Variants in ZNF319 observed in about 807,000 individuals in gnomAD.
ZNF319 encodes zinc finger protein 319.
Under a neutral mutation model 46.0 loss-of-function variants are expected in ZNF319, and 15 were observed. That is an observed-to-expected ratio of 0.33 (90% CI 0.22 to 0.50). The LOEUF (loss-of-function observed/expected upper bound fraction) is 0.50. ZNF319 is among the 20% of genes least tolerant of loss of function. The probability of loss-of-function intolerance (pLI) is 0.98; values close to 1 mark genes in which losing one functional copy is unlikely to be tolerated. For synonymous variants in ZNF319, 368 were observed against 364.0 expected, an observed-to-expected ratio of 1.01 and a Z score of -0.13; for missense variants, 635 against 807.0, an observed-to-expected ratio of 0.79 and a Z score of 2.58.
Position 57,996,573 on chromosome 16 carries a change from T to C in ZNF319, c.1693A>G (p.Ser565Gly). The C allele has an allele frequency of 1.3e-6, 2 of 1,589,466 alleles. No homozygotes were observed. Among genetic ancestry groups the C allele is most frequent in the African/African-American group, 2.7e-5 (2 of 74,746 alleles). ...CCCTCCGCTGCCGCGGCGGCGGCAC[T>C]GTGCTGCGCGCTGTGCTCCTGCAAC... ...ALLQEHSAQH[S>G]AAAAAAEGAY... The change falls in exon 2 of 2, where the codon AGT becomes GGT. Residue 565 changes from serine to glycine, a missense_variant. Physicochemically the swap from Ser to Gly is moderately conservative, Grantham distance 56. Around this residue, in one of 3 missense-constraint regions of ZNF319, gnomAD observed 270 missense variants for 281.4 expected, o/e 0.96. Coordinates refer to ENST00000299237, the MANE Select transcript of ZNF319 (RefSeq NM_020807.3).
At position 57,998,466 on chromosome 16, in the gene ZNF319, C is replaced by A; in HGVS notation, c.-201G>T. ...GCTCTGCCTACAGGACATGGGGGCT[C>A]TTCAAGGGAGGGTCCCAGCAGTGCC... On this transcript the variant is annotated 5_prime_UTR_variant, in exon 2 of 2. It introduces an in-frame stop codon into an upstream open reading frame of the 5' UTR. Transcript: ENST00000299237. 1.3e-6 allele frequency: 1 copy of A among 744,952 alleles called. No homozygotes were observed. The highest frequency in any genetic ancestry group is 2.0e-6 in the Non-Finnish European group (1 of 489,274). The allele number at this position is 744,952 out of a possible 1,614,324, so 46.1% of individuals were successfully genotyped here.
At position 57,996,841 on chromosome 16, in the gene ZNF319, C is replaced by T. The variant is rs1422669843; in HGVS notation, c.1425G>A (p.Gln475=). The T allele has an allele frequency of 6.2e-7, 1 of 1,606,032 alleles. No homozygotes were observed. Among genetic ancestry groups the T allele is most frequent in the African/African-American group, 1.3e-5 (1 of 74,908 alleles). The change falls in exon 2 of 2, where the codon CAG becomes CAA. Residue 475 remains glutamine, a synonymous_variant. Transcript: ENST00000299237. ...RRFFSSSEFV[Q]HRCDPAREKP... is the part of the protein sequence containing the mutation. ...TCTCGCGGGCCGGATCGCAGCGGTG[C>T]TGCACGAACTCGGAAGAGGAGAAGA...
rs746147338 is a variant in ZNF319 at position 57,996,819 on chromosome 16, C to T, written c.1447G>A (p.Glu483Lys). Residue 483 changes from glutamate (E) to lysine (K), a missense_variant, in exon 2 of 2, where the codon GAG (glutamate) becomes AAG (lysine). Glu to Lys is a moderately conservative substitution (Grantham distance 56). Around this residue, in one of 3 missense-constraint regions of ZNF319, gnomAD observed 270 missense variants for 281.4 expected, o/e 0.96. Coordinates refer to ENST00000299237, the MANE Select transcript of ZNF319 (RefSeq NM_020807.3). The part of the protein sequence containing the change: ...FVQHRCDPAR[E>K]KPLKCPDCEK... ...CAGTCTGGGCACTTGAGTGGCTTCT[C>T]GCGGGCCGGATCGCAGCGGTGCTGC... The T allele has an allele frequency of 1.2e-6, 2 of 1,608,430 alleles. No homozygotes were observed. The highest frequency in any genetic ancestry group is 2.2e-5 in the East Asian group (1 of 44,800).
chr16:57,997,876 C>T lies in ZNF319; in HGVS notation c.390G>A (p.Lys130=), dbSNP rs1271432236. The change falls in exon 2 of 2, where the codon AAG becomes AAA. Residue 130 remains lysine (K), a synonymous_variant. Transcript: ENST00000299237. Reference sequence around the variant, plus strand: ...TCTTGCAGACCCCACAGACGAAGGGCTTCTGCTCAGCCTGCACGCACTGGT... The same window carrying T: ...TCTTGCAGACCCCACAGACGAAGGGTTTCTGCTCAGCCTGCACGCACTGGT... ...LEHQCVQAEQ[K]PFVCGVCKMG... is the part of the protein sequence containing the mutation. 2 of 1,613,440 alleles carry T rather than the reference C, an allele frequency of 1.2e-6. No individual in the cohort carries two copies. Among genetic ancestry groups the T allele is most frequent in the East Asian group, 2.2e-5 (1 of 44,888 alleles).
In ZNF319 at chr16:57,997,682, G is replaced by A; in HGVS notation, c.584C>T (p.Ala195Val). Residue 195 changes from alanine (A) to valine (V), a missense_variant, in exon 2 of 2, where the codon GCT (alanine) becomes GTT (valine). By Grantham distance (64) the Ala-to-Val change is moderately conservative. Transcript: ENST00000299237. Reference sequence around the variant, plus strand: ...GCTGTAGGGCTTGTCGGCCTGTTCAGCAGGGGTGACAGTGGAAGGCGCGGG... The same window carrying A: ...GCTGTAGGGCTTGTCGGCCTGTTCAACAGGGGTGACAGTGGAAGGCGCGGG... ...AAPAPSTVTP[A>V]EQADKPYSCP... The A allele has an allele frequency of 6.2e-7, 1 of 1,613,920 alleles. No homozygotes were observed. Among genetic ancestry groups the A allele is most frequent in the Non-Finnish European group, 8.5e-7 (1 of 1,180,032 alleles).
Position 57,997,613 on chromosome 16 carries a change from G to A in ZNF319, c.653C>T (p.Ser218Phe). 6.2e-7 allele frequency: 1 copy of A among 1,614,166 alleles called. No individual in the cohort carries two copies. The highest frequency in any genetic ancestry group is 8.5e-7 in the Non-Finnish European group (1 of 1,180,042). Residue 218 changes from serine (S) to phenylalanine (F), a missense_variant, in exon 2 of 2, where the codon TCT becomes TTT. Physicochemically the swap from Ser to Phe is radical, Grantham distance 155. Transcript: ENST00000299237. Reference sequence around the variant, plus strand: ...ACCGGTGTGGATCCGCTCATGCCGAGAGAGCTCCGACAGGTGCTTGAAGGG... The same window carrying A: ...ACCGGTGTGGATCCGCTCATGCCGAAAGAGCTCCGACAGGTGCTTGAAGGG... ...QKPFKHLSEL[S>F]RHERIHTGEK...
Position 57,997,626 on chromosome 16 carries a change from G to A in ZNF319, c.640C>T (p.Leu214=), listed in dbSNP as rs779335349. Residue 214 remains leucine (L), a synonymous_variant, in exon 2 of 2, where the codon CTG becomes TTG. Coordinates refer to ENST00000299237, the MANE Select transcript of ZNF319 (RefSeq NM_020807.3). Reference sequence around the variant, plus strand: ...CGCTCATGCCGAGAGAGCTCCGACAGGTGCTTGAAGGGCTTTTGGCAGATG... The same window carrying A: ...CGCTCATGCCGAGAGAGCTCCGACAAGTGCTTGAAGGGCTTTTGGCAGATG... ...CPICQKPFKH[L]SELSRHERIH... 1 of 1,613,982 alleles carries A rather than the reference G, an allele frequency of 6.2e-7. No individual in the cohort carries two copies. The highest frequency in any genetic ancestry group is 1.3e-5 in the African/African-American group (1 of 74,920).
rs761054214 is a variant in ZNF319, at chr16:57,996,952, C to T, written c.1314G>A (p.Lys438=). The part of the protein sequence containing the change: ...FKCPVCNKAY[K]RASALQKHQL... Reference sequence around the variant, plus strand: ...GGTGCTTCTGCAGGGCCGACGCGCGCTTGTAGGCCTTGTTGCACACAGGGC... The same window carrying T: ...GGTGCTTCTGCAGGGCCGACGCGCGTTTGTAGGCCTTGTTGCACACAGGGC... The change falls in exon 2 of 2, where the codon AAG becomes AAA. Residue 438 remains lysine (K), a synonymous_variant. Transcript: ENST00000299237. 17 of 1,602,368 alleles carry T rather than the reference C, an allele frequency of 1.1e-5. No homozygotes were observed. In the Admixed American group the frequency reaches 1.7e-4, roughly 16 times the overall value.
chr16:57,997,476 C>G lies in ZNF319; in HGVS notation c.790G>C (p.Glu264Gln), dbSNP rs1336818876. ...TGAGAGCGGTGCTTGAAGGTCTTCT[C>G]GCAGACTGCGCACTTGTAGGGCCGC... ...SERPYKCAVCEKTFKHRSHLV... is the reference protein window; with the variant it reads ...SERPYKCAVCQKTFKHRSHLV... Residue 264 changes from glutamate (E) to glutamine (Q), a missense_variant, in exon 2 of 2, where the codon GAG (glutamate) becomes CAG (glutamine). Physicochemically the swap from Glu to Gln is conservative, Grantham distance 29. This residue lies in a region of ZNF319 where 138 missense variants were observed against 248.0 expected (regional missense o/e 0.56). Transcript: ENST00000299237. 1.9e-6 allele frequency: 3 copies of G among 1,607,150 alleles called. No individual in the cohort carries two copies. The East Asian group carries it at 6.8e-5, about 36-fold the overall frequency.
In ZNF319 at chr16:57,998,220, G is replaced by A; in HGVS notation, c.46C>T (p.Pro16Ser). ...TGGTGCTGAGGCTGCGGTGGCTGTG[G>A]CTGCTGCGGCTGCGTCTGTGGCGGC... The part of the protein sequence containing the change: ...QQPPQTQPQQ[P>S]QPPQPQHHAE... The change falls in exon 2 of 2, where the codon CCA becomes TCA. Residue 16 changes from proline (P) to serine (S), a missense_variant. Pro to Ser is a moderately conservative substitution (Grantham distance 74, BLOSUM62 -1). Coordinates refer to ENST00000299237, the MANE Select transcript of ZNF319 (RefSeq NM_020807.3). 1 of 1,532,068 alleles carries A rather than the reference G, an allele frequency of 6.5e-7. No homozygotes were observed. The highest frequency in any genetic ancestry group is 8.8e-7 in the Non-Finnish European group (1 of 1,139,386). The allele number at this position is 1,532,068 out of a possible 1,614,324, so 94.9% of individuals were successfully genotyped here. A position where few individuals can be genotyped will look rare whatever the true frequency, so the allele number is the denominator to read the frequency against.
chr16:57,996,379 C>A lies in ZNF319; in HGVS notation c.*138G>T. ...CTCTCCCTGCCTCATACCCCTGCGT[C>A]CTCACTCCCGAGGTCTCAGAACACC... On this transcript the variant is annotated 3_prime_UTR_variant, in exon 2 of 2. Transcript: ENST00000299237. The A allele has an allele frequency of 7.0e-7, 1 of 1,424,114 alleles. No homozygotes were observed. The highest frequency in any genetic ancestry group is 9.2e-7 in the Non-Finnish European group (1 of 1,091,720). The allele number at this position is 1,424,114 out of a possible 1,614,324, so 88.2% of individuals were successfully genotyped here.
In ZNF319 at chr16:58,000,163, G is replaced by A. The variant is rs1963132071; in HGVS notation, c.-928C>T. On this transcript the variant is annotated 5_prime_UTR_variant, in exon 1 of 2. Transcript: ENST00000299237. The surrounding 1 kb of genome is among the most constrained non-coding windows in gnomAD (Gnocchi z 4.5). ...TGTCAGCCCTCGTCCGGGATGGCCC[G>A]GCCGCTGCGACCCGAGGGCGAGCCC... Among the ~76,000 whole-genome samples the A allele has an allele frequency of 6.6e-6, 1 of 152,152 alleles. No homozygotes were observed.
At position 57,996,621 on chromosome 16, in the gene ZNF319, C is replaced by T; in HGVS notation, c.1645G>A (p.Glu549Lys). 1 of 1,610,202 alleles carries T rather than the reference C, an allele frequency of 6.2e-7. No individual in the cohort carries two copies. Among genetic ancestry groups the T allele is most frequent in the Non-Finnish European group, 8.5e-7 (1 of 1,179,920 alleles). ...EQQFKCVWCGERFLDVALLQE... is the reference protein window; with the variant it reads ...EQQFKCVWCGKRFLDVALLQE... ...AACAAGGCCACGTCTAGGAAGCGCT[C>T]CCCGCACCATACACACTTGAACTGC... Residue 549 changes from glutamate to lysine, a missense_variant, in exon 2 of 2, where the codon GAG becomes AAG. By Grantham distance (56) the Glu-to-Lys change is moderately conservative (BLOSUM62 1). Coordinates refer to ENST00000299237, the MANE Select transcript of ZNF319 (RefSeq NM_020807.3).
intron 1 of ZNF319, among the ~76,000 whole-genome samples, chr16:57,998,958 C>T (rs1447338530): frequency 2.0e-5 from 3 of 152,192 alleles, no homozygotes; most frequent in Non-Finnish European, 4.4e-5. Flanking sequence ...GGCCAGACCT[C>T]CCAGGTCTGA....
chr16:57,997,607 T>C lies in ZNF319; in HGVS notation c.659A>G (p.His220Arg), dbSNP rs1399085741. ...CTTCTCACCGGTGTGGATCCGCTCA[T>C]GCCGAGAGAGCTCCGACAGGTGCTT... ...PFKHLSELSR[H>R]ERIHTGEKPY... The change falls in exon 2 of 2, where the codon CAT becomes CGT. Residue 220 changes from histidine to arginine, a missense_variant. Physicochemically the swap from His to Arg is conservative, Grantham distance 29. Transcript: ENST00000299237. 1 of 1,614,082 alleles carries C rather than the reference T, an allele frequency of 6.2e-7. No individual in the cohort carries two copies. The highest frequency in any genetic ancestry group is 8.5e-7 in the Non-Finnish European group (1 of 1,180,018).
In ZNF319 at chr16:58,000,623, G is replaced by A. The variant is rs921876279; in HGVS notation, c.-1388C>T. ...TGCCGGAGTAGCGGGGCCGGGGCGA[G>A]GAGCGCCGGGAGGGCGGGCGGACGG... is the stretch of plus-strand genomic sequence containing the variant. On this transcript the variant is annotated 5_prime_UTR_variant, in exon 1 of 2. Coordinates refer to ENST00000299237, the MANE Select transcript of ZNF319 (RefSeq NM_020807.3). This position sits in a 1 kb window ranked among gnomAD's most constrained non-coding sequence, Gnocchi z 4.5. 1.3e-5 allele frequency among the ~76,000 whole-genome samples: 2 copies of A among 149,772 alleles called. No homozygotes were observed. Among genetic ancestry groups the A allele is most frequent in the African/African-American group, 4.9e-5 (2 of 41,136 alleles).
At chr16:57,999,239 TCACACACACACACACACACACA>T (rs60708700) in intron 1 of ZNF319, among the ~76,000 whole-genome samples, 1 of 145,662 alleles carries the variant, frequency 6.9e-6, no homozygotes, top group Non-Finnish European at 1.5e-5. Flanking sequence ...CTCCCAGAAC[TCACACACACACACACACACACA>T]CACACACACA....
In ZNF319 at chr16:58,000,665, A is replaced by AGACGGGCG. The variant is rs1208453394; in HGVS notation, c.-1431_-1430insCGCCCGTC. On this transcript the variant is annotated 5_prime_UTR_variant, in exon 1 of 2. Transcript: ENST00000299237. The surrounding 1 kb of genome is among the most constrained non-coding windows in gnomAD (Gnocchi z 4.5). ...GGCGGACGGACCGATGGCCTTGCGG[A>AGACGGGCG]GACGGGCGGACGGGCGGGCGGCGCG... 7.2e-6 allele frequency among the ~76,000 whole-genome samples: 1 copy of AGACGGGCG among 139,712 alleles called. No homozygotes were observed. Among genetic ancestry groups the AGACGGGCG allele is most frequent in the Non-Finnish European group, 1.6e-5 (1 of 64,062 alleles). The allele number at this position is 139,712 out of a possible 152,430, so 91.7% of individuals were successfully genotyped here.
chr16:57,999,053 G>A (rs1302744797), intron 1 of ZNF319, among the ~76,000 whole-genome samples: 3 of 152,128 alleles, frequency 2.0e-5, no homozygotes, highest in African/African-American at 7.2e-5. Flanking sequence ...TCTCACCTAT[G>A]AGGGACTGAC....
Sources: gnomAD v4.1 joint callset for allele counts (sites outside exome capture counted in the v4.1 genomes callset) on GRCh38, gnomAD v4.1.1 for gene constraint, gnomAD v4.1.1 regional missense constraint, Gnocchi (gnomAD v3.1) non-coding constraint, MANE v1.5 for transcripts, NCBI Gene and HGNC (gene_info 2026-07-23, HGNC 2026-07-21) for gene names.